Variants in CLEC16A observed in about 807,000 individuals in gnomAD.
The protein encoded by CLEC16A is C-type lectin domain containing 16A, also known as protein CLEC16A.
A neutral mutation model predicts 109.5 loss-of-function variants in CLEC16A; 51 were observed. The ratio of observed to expected loss-of-function variants is 0.47; its 90% confidence interval spans 0.37 to 0.59. The LOEUF (loss-of-function observed/expected upper bound fraction) is 0.59. CLEC16A is among the 20% of genes least tolerant of loss of function. The pLI is 0.00. For synonymous variants in CLEC16A, 673 were observed against 564.2 expected, an observed-to-expected ratio of 1.19 and a Z score of -2.73; for missense variants, 1,339 against 1,394.0, an observed-to-expected ratio of 0.96 and a Z score of 0.63.
intron 23 of CLEC16A, among the ~76,000 whole-genome samples, chr16:11,167,996 A>G (rs2068344723): frequency 1.3e-5 from 2 of 152,190 alleles, no homozygotes; most frequent in African/African-American, 2.4e-5. Flanking sequence ...TGCACTGGGG[A>G]TGAAAGCTTC....
intron 13 of CLEC16A, among the ~76,000 whole-genome samples, chr16:11,037,147 T>A (rs1328990631): frequency 6.6e-6 from 1 of 152,208 alleles, no homozygotes; most frequent in Non-Finnish European, 1.5e-5. Flanking sequence ...TCATTCCTGC[T>A]GTACCCAGCT....
chr16:10,981,677 C>T (rs138972507), intron 9 of CLEC16A, among the ~76,000 whole-genome samples: 24 of 152,252 alleles, frequency 1.6e-4, no homozygotes, highest in African/African-American at 5.1e-4. Context: ...TTTTAAACAA[C>T]GTTTTTTAAA....
chr16:11,120,446 T>G (rs1383018446), intron 19 of CLEC16A, among the ~76,000 whole-genome samples, 169 bp from the exon 20 acceptor site: 1 of 152,196 alleles, frequency 6.6e-6, no homozygotes, highest in Non-Finnish European at 1.5e-5. Flanking sequence ...AAAGAAACTT[T>G]CCCGGCATAA....
intron 22 of CLEC16A, among the ~76,000 whole-genome samples, chr16:11,165,511 A>G (rs550520947): frequency 1.3e-5 from 2 of 152,046 alleles, no homozygotes; most frequent in East Asian, 1.9e-4. Flanking sequence ...TAAAGAACAA[A>G]CATGTATACT....
At chr16:11,102,295 C>T (rs1417956132) in intron 19 of CLEC16A, among the ~76,000 whole-genome samples, 3 of 152,104 alleles carry the variant, frequency 2.0e-5, no homozygotes, top group African/African-American at 7.2e-5. Context: ...TGCTCTGCTG[C>T]CCAAAGTTTA....
rs530725641 is a variant in CLEC16A at position 11,174,320 on chromosome 16, G to A, written c.2807-4015G>A. 6.5e-5 allele frequency: 28 copies of A among 431,052 alleles called. No individual in the cohort carries two copies. Among genetic ancestry groups the A allele is most frequent in the East Asian group, 4.4e-4 (6 of 13,582 alleles). 26.7% of individuals were successfully genotyped at this position (431,052 alleles called of 1,614,324 possible). A position where few individuals can be genotyped will look rare whatever the true frequency, so the allele number is the denominator to read the frequency against. ...GCCGCTCGGGCCGCGACGTCCACTC[G>A]CCACGCTGCATTTCCACAGTCGGCA... On this transcript the variant is annotated intron_variant, in intron 23 of 23. Transcript: ENST00000409790. The surrounding 1 kb of genome is among the most constrained non-coding windows in gnomAD (Gnocchi z 4.7).
chr16:11,070,115 G>A (rs1027112374), intron 19 of CLEC16A, among the ~76,000 whole-genome samples: 11 of 151,702 alleles, frequency 7.3e-5, no homozygotes, highest in African/African-American at 2.7e-4. Flanking sequence ...CTATTGCCCA[G>A]GCTGGAGTGC....
chr16:11,123,766 G>A lies in CLEC16A; in HGVS notation c.2293G>A (p.Asp765Asn), dbSNP rs1434875254. 6.2e-7 allele frequency: 1 copy of A among 1,614,058 alleles called. No homozygotes were observed. Among genetic ancestry groups the A allele is most frequent in the Non-Finnish European group, 8.5e-7 (1 of 1,179,902 alleles). The part of the protein sequence containing the change: ...LQDMQVTGVE[D>N]DSRALNITIH... ...GGACATGCAGGTGACTGGCGTGGAG[G>A]ACGACAGCCGTGCCCTGAACATCAC... Residue 765 changes from aspartate to asparagine, a missense_variant, in exon 21 of 24, where the codon GAC becomes AAC. Asp to Asn is a conservative substitution (Grantham distance 23). Around this residue, in one of 3 missense-constraint regions of CLEC16A, gnomAD observed 1,061 missense variants for 1,006.8 expected, o/e 1.05. Transcript: ENST00000409790.
chr16:11,091,121 C>T (rs2050281861), intron 19 of CLEC16A, among the ~76,000 whole-genome samples: 1 of 152,200 alleles, frequency 6.6e-6, no homozygotes, highest in Non-Finnish European at 1.5e-5. Context: ...TTTAAAGCGC[C>T]TAATCTCCTT....
intron 19 of CLEC16A, among the ~76,000 whole-genome samples, chr16:11,107,899 G>A (rs917548521): frequency 2.6e-5 from 4 of 152,246 alleles, no homozygotes; most frequent in East Asian, 3.9e-4. Context: ...TTGACCCCTC[G>A]GACCACTTAG....
In CLEC16A at chr16:10,976,213, T is replaced by A. The variant is rs189255765; in HGVS notation, c.729-1012T>A. On this transcript the variant is annotated intron_variant, in intron 7 of 23. Transcript: ENST00000409790. ...TGAACCTGGGAGGTTGAGGCTGTAA[T>A]GAGCTGTGCTCATGCCACAGCACTC... 4.5e-3 allele frequency among the ~76,000 whole-genome samples: 684 copies of A among 152,282 alleles called. 5 individuals are homozygous for A. Among genetic ancestry groups the A allele is most frequent in the Middle Eastern group, 0.031 (9 of 294 alleles).
intron 13 of CLEC16A, among the ~76,000 whole-genome samples, chr16:11,031,657 A>T (rs111309941): frequency 6.6e-6 from 1 of 152,222 alleles, no homozygotes; most frequent in African/African-American, 2.4e-5. Context: ...TTGGGGATGC[A>T]GTGGTGAAGC....
chr16:11,165,537 G>A (rs1290145808), intron 22 of CLEC16A, among the ~76,000 whole-genome samples: 1 of 152,138 alleles, frequency 6.6e-6, no homozygotes, highest in Non-Finnish European at 1.5e-5. Flanking sequence ...CTCACCATGT[G>A]CCACACCCTG....
chr16:10,979,059 G>T (rs2043173960), intron 8 of CLEC16A, among the ~76,000 whole-genome samples: 1 of 152,112 alleles, frequency 6.6e-6, no homozygotes, highest in South Asian at 2.1e-4. Flanking sequence ...GGTAACTTAA[G>T]GAGCAAGTTC....
At chr16:10,998,599 C>A (rs929903112) in intron 10 of CLEC16A, among the ~76,000 whole-genome samples, 1 of 152,222 alleles carries the variant, frequency 6.6e-6, no homozygotes, top group African/African-American at 2.4e-5. Context: ...CTTGCTCTTT[C>A]ATTCTGCTAC....
intron 20 of CLEC16A, among the ~76,000 whole-genome samples, chr16:11,123,252 C>T (rs2052564240): frequency 6.6e-6 from 1 of 152,124 alleles, no homozygotes; most frequent in African/African-American, 2.4e-5. Flanking sequence ...AGAAGTTTGT[C>T]AAAGACATAC....
chr16:10,954,991 C>T lies in CLEC16A; in HGVS notation c.81-2791C>T, dbSNP rs1351059107. ...TCTGTGCCAGGCGCTGTGCTTGGCT[C>T]TTTCTGTGCATGGTCACGTTGCCTC... is the stretch of plus-strand genomic sequence containing the variant. On this transcript the variant is annotated intron_variant, in intron 1 of 23. Coordinates refer to ENST00000409790, the MANE Select transcript of CLEC16A (RefSeq NM_015226.3). This position sits in a 1 kb window ranked among gnomAD's most constrained non-coding sequence, Gnocchi z 4.2. Among the ~76,000 whole-genome samples, 3 of 152,250 alleles carry T rather than the reference C, an allele frequency of 2.0e-5. No homozygotes were observed. Among genetic ancestry groups the T allele is most frequent in the Non-Finnish European group, 4.4e-5 (3 of 68,046 alleles).
chr16:11,070,141 A>G (rs1347786824), intron 19 of CLEC16A, among the ~76,000 whole-genome samples: 1 of 148,486 alleles, frequency 6.7e-6, no homozygotes, highest in Non-Finnish European at 1.5e-5. Flanking sequence ...CGCAATCTCC[A>G]CTCACTGCAA....
chr16:11,001,920 A>C (rs993642773), intron 10 of CLEC16A, among the ~76,000 whole-genome samples: 4 of 151,866 alleles, frequency 2.6e-5, no homozygotes, highest in African/African-American at 9.7e-5. Context: ...GACAACACCC[A>C]CTACACCTGG....
Sources: gnomAD v4.1 joint callset for allele counts (sites outside exome capture counted in the v4.1 genomes callset) on GRCh38, gnomAD v4.1.1 for gene constraint, gnomAD v4.1.1 regional missense constraint, Gnocchi (gnomAD v3.1) non-coding constraint, MANE v1.5 for transcripts, NCBI Gene and HGNC (gene_info 2026-07-23, HGNC 2026-07-21) for gene names.